PUS10: variants seen among roughly 807,000 people sequenced by gnomAD.
PUS10 encodes tRNA pseudouridine synthase Pus10.
In PUS10, 59 loss-of-function variants were observed where a neutral mutation model predicts 75.0. That is an observed-to-expected ratio of 0.79 (90% confidence interval 0.64 to 0.98). The LOEUF (loss-of-function observed/expected upper bound fraction) is 0.98. Ranked by LOEUF, PUS10 falls within the 50% of genes least tolerant of loss-of-function variation. The probability of loss-of-function intolerance (pLI) is 0.00; values close to 1 mark genes in which losing one functional copy is unlikely to be tolerated. For synonymous variants in PUS10, 219 were observed against 211.6 expected (o/e 1.03, Z -0.30); for missense variants, 650 against 614.4 (o/e 1.06, Z -0.61).
chr2:61,015,827 G>A (rs1679940466), intron 1 of PUS10, among the ~76,000 whole-genome samples: 1 of 152,158 alleles, frequency 6.6e-6, no homozygotes, highest in South Asian at 2.1e-4. Flanking sequence ...TGTGAGGGGC[G>A]AATATAAGCA....
intron 4 of PUS10, among the ~76,000 whole-genome samples, chr2:61,000,521 A>G (rs1678784118): frequency 6.6e-6 from 1 of 152,196 alleles, no homozygotes; most frequent in Non-Finnish European, 1.5e-5. Context: ...TGGAGGCTGT[A>G]AGTAGTAAAT....
chr2:61,015,399 T>G (rs34318179), intron 1 of PUS10, among the ~76,000 whole-genome samples: 8,838 of 151,490 alleles, frequency 0.058, 338 homozygotes, highest in Non-Finnish European at 0.087. Context: ...ACTCGGGAGG[T>G]TGAGGCAGGA....
At chr2:61,017,444 G>C (rs1043524533) in intron 1 of PUS10, 58 of 262,092 alleles carry the variant, frequency 2.2e-4, no homozygotes, top group Admixed American at 6.8e-4. Context: ...TCCACTCCCA[G>C]AAAAGCCTCG....
intron 4 of PUS10, among the ~76,000 whole-genome samples, chr2:60,986,605 T>G: frequency 6.6e-6 from 1 of 152,238 alleles, no homozygotes; most frequent in East Asian, 1.9e-4. Flanking sequence ...GTCAAGCTGT[T>G]GATATTTAAG....
At chr2:60,967,108 C>T (rs2104383916) in intron 6 of PUS10, 2 of 188,942 alleles carry the variant, frequency 1.1e-5, no homozygotes, top group Middle Eastern at 2.2e-3. Context: ...AGGTTCTGTC[C>T]ATGCATTTGA....
chr2:60,959,796 A>G (rs1035267822), intron 11 of PUS10, among the ~76,000 whole-genome samples: 51 of 152,202 alleles, frequency 3.4e-4, no homozygotes, highest in African/African-American at 1.2e-3. Flanking sequence ...CAGGAAGCCT[A>G]TGGCCAAGAG....
chr2:60,975,465 C>T (rs1181640568), intron 4 of PUS10, among the ~76,000 whole-genome samples: 2 of 152,040 alleles, frequency 1.3e-5, no homozygotes, highest in African/African-American at 2.4e-5. Flanking sequence ...TATTATAACA[C>T]ACAAATTACT....
At chr2:60,971,387 A>C in intron 5 of PUS10, 136 bp downstream of exon 5, 1 of 747,842 alleles carries the variant, frequency 1.3e-6, no homozygotes, top group East Asian at 2.5e-5. Context: ...TAGAATAAAA[A>C]TTGGTTCTTT....
chr2:60,978,696 A>G (rs983032966), intron 4 of PUS10, among the ~76,000 whole-genome samples: 1 of 152,220 alleles, frequency 6.6e-6, no homozygotes, highest in Non-Finnish European at 1.5e-5. Flanking sequence ...ATGAAGTAGC[A>G]TGATCATATT....
chr2:61,006,759 T>C, intron 3 of PUS10, 116 bp from the exon 4 acceptor site: 1 of 724,426 alleles, frequency 1.4e-6, no homozygotes, highest in Non-Finnish European at 2.3e-6. Context: ...CTTCCAAACT[T>C]TCACATTTGA....
chr2:61,006,605 G>A lies in PUS10; in HGVS notation c.420C>T (p.Thr140=). 1.2e-6 allele frequency: 2 copies of A among 1,613,244 alleles called. No homozygotes were observed. Among genetic ancestry groups the A allele is most frequent in the South Asian group, 1.1e-5 (1 of 90,928 alleles). ...QKVEASGFEF[T]SLVFSVSFPP... ...GGAAGGAGACTGAAAATACCAAGCT[G>A]GTGAATTCAAACCCAGAGGCCTCAA... Residue 140 remains threonine (T), a synonymous_variant, in exon 4 of 18, where the codon ACC becomes ACT. Coordinates refer to ENST00000316752, the MANE Select transcript of PUS10 (RefSeq NM_144709.4).
At chr2:60,963,631 T>A (rs887521480) in intron 8 of PUS10, among the ~76,000 whole-genome samples, 1 of 152,152 alleles carries the variant, frequency 6.6e-6, no homozygotes, top group South Asian at 2.1e-4. Flanking sequence ...CAACAGTATA[T>A]CACCAAAGGA....
At chr2:60,966,924 C>G (rs1466169611) in intron 6 of PUS10, 1 of 152,314 alleles carries the variant, frequency 6.6e-6, no homozygotes, top group African/African-American at 2.4e-5. Context: ...TGTTTTCACA[C>G]CTGGAAGCCT....
chr2:61,018,130 C>T lies in PUS10; in HGVS notation c.-138G>A. 2 of 1,549,150 alleles carry T rather than the reference C, an allele frequency of 1.3e-6. No individual in the cohort carries two copies. Among genetic ancestry groups the T allele is most frequent in the Non-Finnish European group, 1.7e-6 (2 of 1,146,250 alleles). ...TGCTTGAAAGAAAGGGGGGCGGCTT[C>T]CTACCTACCGCTTCTGTTTTCACTT... On this transcript the variant is annotated 5_prime_UTR_variant, in exon 1 of 18. Transcript: ENST00000316752.
intron 4 of PUS10, among the ~76,000 whole-genome samples, chr2:60,992,711 G>A (rs1188020678): frequency 6.6e-6 from 1 of 151,620 alleles, no homozygotes; most frequent in Non-Finnish European, 1.5e-5. Context: ...CTTTTATATG[G>A]CTCATGACCA....
At chr2:60,952,001 C>T (rs190707564) in intron 15 of PUS10, among the ~76,000 whole-genome samples, 5 of 152,252 alleles carry the variant, frequency 3.3e-5, no homozygotes, top group African/African-American at 1.2e-4. Flanking sequence ...TAACTATATG[C>T]ATCTCTGTGC....
chr2:60,971,629 C>A (rs1676670057), intron 4 of PUS10, 72 bp from the exon 5 acceptor site: 1 of 1,399,734 alleles, frequency 7.1e-7, no homozygotes, highest in Admixed American at 1.7e-5. Flanking sequence ...GTCTCAATAT[C>A]ATTACTGAAG....
In PUS10 at chr2:60,940,730, A is replaced by T. The variant is rs180762350; in HGVS notation, c.*1665T>A. 646 of 152,406 alleles carry T rather than the reference A, an allele frequency of 4.2e-3. 2 individuals are homozygous for T. Among genetic ancestry groups the T allele is most frequent in the Non-Finnish European group, 6.5e-3 (442 of 67,994 alleles). 9.4% of individuals were successfully genotyped at this position (152,406 alleles called of 1,614,324 possible). A position where few individuals can be genotyped will look rare whatever the true frequency, so the allele number is the denominator to read the frequency against. On this transcript the variant is annotated 3_prime_UTR_variant, in exon 18 of 18. Coordinates refer to ENST00000316752, the MANE Select transcript of PUS10 (RefSeq NM_144709.4). ...ATACCATGCAAAAGACTGCCTCCTA[A>T]ATTATTTAAATCTCTTTTGTAGCAA...
At chr2:60,948,706 A>G (rs1675146157) in intron 15 of PUS10, among the ~76,000 whole-genome samples, 1 of 152,094 alleles carries the variant, frequency 6.6e-6, no homozygotes, top group Admixed American at 6.5e-5. Context: ...ATAAACCGGG[A>G]CCTTTCAATG....
Sources: gnomAD v4.1 joint callset for allele counts (sites outside exome capture counted in the v4.1 genomes callset) on GRCh38, gnomAD v4.1.1 for gene constraint, MANE v1.5 for transcripts, NCBI Gene and HGNC (gene_info 2026-07-23, HGNC 2026-07-21) for gene names.